Variants in KDM2B observed in about 807,000 individuals in gnomAD.
KDM2B encodes lysine demethylase 2B, also known as lysine-specific demethylase 2B.
Under a neutral mutation model 150.0 loss-of-function variants are expected in KDM2B, and 26 were observed. The observed-to-expected ratio is 0.17, with a 90% CI of 0.13 to 0.24. The LOEUF (loss-of-function observed/expected upper bound fraction) is 0.24. Ranked by LOEUF, KDM2B falls within the 10% of genes least tolerant of loss-of-function variation. The pLI is 1.00. For synonymous variants in KDM2B, 734 were observed against 729.5 expected, an observed-to-expected ratio of 1.01 and a Z score of -0.10; for missense variants, 1,265 against 1,816.9, an observed-to-expected ratio of 0.70 and a Z score of 5.52.
At position 121,429,195 on chromosome 12, in the gene KDM2B, ATTG is replaced by A. The variant is rs1380183372; in HGVS notation, c.*1090_*1092del. On this transcript the variant is annotated 3_prime_UTR_variant, in exon 23 of 23. Transcript: ENST00000377071. Reference sequence around the variant, plus strand: ...GTTCAAGAGTGGTTTTTTTTGTACAATTGTTTATACAAATTCAACAAAGGTAAA... The same window carrying A: ...GTTCAAGAGTGGTTTTTTTTGTACAATTTATACAAATTCAACAAAGGTAAA... The A allele has an allele frequency of 6.6e-6, 1 of 152,654 alleles. No homozygotes were observed. Among genetic ancestry groups the A allele is most frequent in the African/African-American group, 2.4e-5 (1 of 41,462 alleles). The allele number at this position is 152,654 out of a possible 1,614,324, so 9.5% of individuals were successfully genotyped here.
At chr12:121,438,253 C>CAAAA (rs35874014) in intron 22 of KDM2B, among the ~76,000 whole-genome samples, 1 of 97,154 alleles carries the variant, frequency 1.0e-5, no homozygotes, top group Non-Finnish European at 2.3e-5. Context: ...GGCTCCATCT[C>CAAAA]AAAAAAAAAA....
intron 1 of KDM2B, chr12:121,580,257 G>A (rs951564930): frequency 1.2e-5 from 15 of 1,272,964 alleles, no homozygotes; most frequent in Admixed American, 7.5e-5. Context: ...AGTTGTGGGG[G>A]GGGGGAGGCG....
chr12:121,574,468 T>C, intron 4 of KDM2B, 79 bp downstream of exon 4: 1 of 1,395,162 alleles, frequency 7.2e-7, no homozygotes, highest in East Asian at 2.3e-5. Context: ...GTTAAAAGTC[T>C]AAATGGGCAG....
chr12:121,547,348 C>A (rs935893315), intron 6 of KDM2B, among the ~76,000 whole-genome samples: 1 of 152,082 alleles, frequency 6.6e-6, no homozygotes, highest in Non-Finnish European at 1.5e-5. Context: ...GGAGGAAAAC[C>A]GCCTACAAAG....
intron 12 of KDM2B, among the ~76,000 whole-genome samples, chr12:121,457,050 G>C (rs1052313646): frequency 1.3e-4 from 20 of 152,136 alleles, no homozygotes; most frequent in African/African-American, 4.6e-4. Flanking sequence ...ACAGACCTCG[G>C]AGGCCTCCAT....
intron 11 of KDM2B, among the ~76,000 whole-genome samples, chr12:121,496,537 C>G (rs1377480441): frequency 6.7e-6 from 1 of 149,496 alleles, no homozygotes; most frequent in Non-Finnish European, 1.5e-5. Context: ...GACTGTCACC[C>G]AGGCTGGAGT....
chr12:121,509,790 T>A lies in KDM2B; in HGVS notation c.1424A>T (p.Asn475Ile). 2 of 1,614,110 alleles carry A rather than the reference T, an allele frequency of 1.2e-6. No individual in the cohort carries two copies. Among genetic ancestry groups the A allele is most frequent in the Non-Finnish European group, 1.7e-6 (2 of 1,180,028 alleles). ...GGACTTCACACTTTCCTCCGACTCA[T>A]TAGACAAAGTCCTTTTGAGGAATCG... Reference protein sequence around the residue: ...ALRFLKRTLSNESEESVKSTT... With the variant: ...ALRFLKRTLSIESEESVKSTT... Residue 475 changes from asparagine to isoleucine, a missense_variant, in exon 11 of 23, where the codon AAT (asparagine) becomes ATT (isoleucine). By Grantham distance (149) the Asn-to-Ile change is moderately radical. Transcript: ENST00000377071.
intron 12 of KDM2B, among the ~76,000 whole-genome samples, chr12:121,477,877 C>T (rs942353809): frequency 9.9e-5 from 15 of 151,524 alleles, no homozygotes; most frequent in Admixed American, 2.6e-4. Flanking sequence ...CGTGCCCAGG[C>T]TTTTTTCTTA....
intron 4 of KDM2B, among the ~76,000 whole-genome samples, chr12:121,561,847 C>T (rs1246727595): frequency 1.3e-5 from 2 of 152,134 alleles, no homozygotes; most frequent in Non-Finnish European, 2.9e-5. Flanking sequence ...GACTCCTTCC[C>T]GAGCTTAAAA....
chr12:121,421,211 T>G, the KDM2B span, among the ~76,000 whole-genome samples: 1 of 151,858 alleles, frequency 6.6e-6, no homozygotes, highest in Non-Finnish European at 1.5e-5. Context: ...TCTGTAGATT[T>G]CTGTGTAAGT....
At chr12:121,465,529 C>T (rs782353020) in intron 12 of KDM2B, among the ~76,000 whole-genome samples, 7 of 152,168 alleles carry the variant, frequency 4.6e-5, no homozygotes, top group South Asian at 2.1e-4. Context: ...CCACCGCGCA[C>T]GGCCTACAGG....
the KDM2B span, among the ~76,000 whole-genome samples, chr12:121,414,195 A>C: frequency 6.6e-6 from 1 of 152,258 alleles, no homozygotes; most frequent in Non-Finnish European, 1.5e-5. Context: ...TCAGATAATA[A>C]AATAAATGGA....
chr12:121,421,688 T>G, the KDM2B span, among the ~76,000 whole-genome samples: 1 of 152,082 alleles, frequency 6.6e-6, no homozygotes. Context: ...TCTTTTTAAT[T>G]GTAAAAAAAA....
intron 22 of KDM2B, among the ~76,000 whole-genome samples, chr12:121,439,095 G>A (rs1555287485): frequency 2.6e-5 from 4 of 152,152 alleles, no homozygotes; most frequent in Non-Finnish European, 5.9e-5. Flanking sequence ...AACTCACTGT[G>A]GGTTTTTTTC....
chr12:121,461,199 A>G (rs1234913170), intron 12 of KDM2B, among the ~76,000 whole-genome samples: 2 of 152,170 alleles, frequency 1.3e-5, no homozygotes, highest in Non-Finnish European at 2.9e-5. Context: ...TACGAAGTGG[A>G]TATTCTAGGC....
intron 12 of KDM2B, among the ~76,000 whole-genome samples, chr12:121,487,149 G>C (rs1271344503): frequency 4.6e-5 from 7 of 152,206 alleles, no homozygotes; most frequent in Admixed American, 4.6e-4. Flanking sequence ...TCAAACAAAA[G>C]AGAAAGGAAA....
intron 6 of KDM2B, among the ~76,000 whole-genome samples, chr12:121,541,064 C>T (rs559058916): frequency 6.6e-6 from 1 of 152,126 alleles, no homozygotes; most frequent in East Asian, 1.9e-4. Context: ...GAAACCCTGT[C>T]TCTACTAAAA....
intron 2 of KDM2B, among the ~76,000 whole-genome samples, chr12:121,576,179 A>T (rs1166211101): frequency 6.6e-6 from 1 of 152,146 alleles, no homozygotes; most frequent in African/African-American, 2.4e-5. Context: ...GCACCGCACA[A>T]AAAGAGTCCC....
intron 9 of KDM2B, chr12:121,516,388 ATTCAAAT>A: frequency 2.3e-6 from 2 of 886,958 alleles, no homozygotes; most frequent in South Asian, 3.0e-5. Context: ...TGATGAAGGA[ATTCAAAT>A]TTTTATTTAT....
Sources: gnomAD v4.1 joint callset for allele counts (sites outside exome capture counted in the v4.1 genomes callset) on GRCh38, gnomAD v4.1.1 for gene constraint, MANE v1.5 for transcripts, NCBI Gene and HGNC (gene_info 2026-07-23, HGNC 2026-07-21) for gene names.